The following NXPH2 variants were observed in gnomAD, a reference collection of about 807,000 sequenced individuals.
NXPH2 encodes neurexophilin 2, also known as neurexophilin-2.
Under a neutral mutation model 19.8 loss-of-function variants are expected in NXPH2, and 5 were observed. The ratio of observed to expected loss-of-function variants is 0.25; its 90% CI spans 0.13 to 0.53. NXPH2 has a LOEUF of 0.53. Ranked by LOEUF, NXPH2 falls within the 20% of genes least tolerant of loss-of-function variation. The pLI is 0.96. For missense variants in NXPH2, 289 were observed against 322.8 expected, an observed-to-expected ratio of 0.90 and a Z score of 0.80; for synonymous variants, 154 against 127.4, an observed-to-expected ratio of 1.21 and a Z score of -1.41.
intron 1 of NXPH2, among the ~76,000 whole-genome samples, chr2:138,692,207 T>C (rs956503966): frequency 1.3e-5 from 2 of 152,198 alleles, no homozygotes; most frequent in African/African-American, 2.4e-5. Context: ...CACGATTTCA[T>C]GGTTCCTGTT....
chr2:138,734,495 G>T (rs1005489516), intron 1 of NXPH2, among the ~76,000 whole-genome samples: 5 of 152,160 alleles, frequency 3.3e-5, no homozygotes, highest in South Asian at 2.1e-4. Flanking sequence ...AGGAAGAAAT[G>T]GTCAAGCCAG....
At chr2:138,735,392 T>A (rs1393713843) in intron 1 of NXPH2, among the ~76,000 whole-genome samples, 2 of 152,120 alleles carry the variant, frequency 1.3e-5, no homozygotes, top group African/African-American at 4.8e-5. Context: ...AGTCATATCT[T>A]ACATGGATGG....
chr2:138,696,620 AT>A (rs2104979342), intron 1 of NXPH2, among the ~76,000 whole-genome samples: 2 of 152,296 alleles, frequency 1.3e-5, no homozygotes, highest in East Asian at 3.9e-4. Flanking sequence ...GAAGACATAG[AT>A]TAACTAAAAT....
chr2:138,686,078 T>C (rs572217373), intron 1 of NXPH2, among the ~76,000 whole-genome samples: 1 of 152,348 alleles, frequency 6.6e-6, no homozygotes, highest in Admixed American at 6.5e-5. Context: ...CACAACTTTT[T>C]ATTTCCTTAG....
chr2:138,701,255 G>C (rs1297147688), intron 1 of NXPH2, among the ~76,000 whole-genome samples: 1 of 152,162 alleles, frequency 6.6e-6, no homozygotes, highest in Admixed American at 6.5e-5. Context: ...AATATCTTTA[G>C]CCTGGTGTGG....
intron 1 of NXPH2, among the ~76,000 whole-genome samples, chr2:138,720,310 G>T (rs1681258662): frequency 6.6e-6 from 1 of 152,194 alleles, no homozygotes; most frequent in Non-Finnish European, 1.5e-5. Flanking sequence ...AAACAAGTAT[G>T]CTTGTAAACT....
intron 1 of NXPH2, among the ~76,000 whole-genome samples, chr2:138,676,123 G>C (rs762330365): frequency 1.3e-5 from 2 of 152,026 alleles, no homozygotes; most frequent in Admixed American, 6.6e-5. Context: ...TAAAATACAC[G>C]TACAGTTCTC....
At chr2:138,758,972 C>G (rs1343820428) in intron 1 of NXPH2, among the ~76,000 whole-genome samples, 1 of 152,114 alleles carries the variant, frequency 6.6e-6, no homozygotes, top group African/African-American at 2.4e-5. Flanking sequence ...ATTTTGCAGC[C>G]ACCCACCCCA....
chr2:138,764,059 C>G (rs1384472663), intron 1 of NXPH2, among the ~76,000 whole-genome samples: 2 of 152,156 alleles, frequency 1.3e-5, no homozygotes, highest in South Asian at 2.1e-4. Context: ...GCACCCACAA[C>G]TACAATACCA....
At chr2:138,727,975 T>C (rs938691258) in intron 1 of NXPH2, among the ~76,000 whole-genome samples, 3 of 152,196 alleles carry the variant, frequency 2.0e-5, no homozygotes, top group African/African-American at 7.2e-5. Context: ...GCTCCAGTAT[T>C]TCCTAGGTAT....
chr2:138,710,645 A>G, intron 1 of NXPH2, among the ~76,000 whole-genome samples: 1 of 152,128 alleles, frequency 6.6e-6, no homozygotes, highest in Admixed American at 6.5e-5. Flanking sequence ...CCTCCACCCT[A>G]GACTCTATGA....
intron 1 of NXPH2, among the ~76,000 whole-genome samples, chr2:138,732,844 C>T (rs1255212866): frequency 2.6e-5 from 4 of 152,148 alleles, no homozygotes; most frequent in African/African-American, 4.8e-5. Context: ...CTCACCAGTG[C>T]TGATTAAGCA....
intron 1 of NXPH2, among the ~76,000 whole-genome samples, chr2:138,689,337 G>T (rs1680710211): frequency 6.6e-6 from 1 of 152,224 alleles, no homozygotes; most frequent in South Asian, 2.1e-4. Context: ...CCCCAGAGGA[G>T]GAGAGTGGTT....
intron 1 of NXPH2, among the ~76,000 whole-genome samples, chr2:138,713,792 T>A (rs1024821637): frequency 4.6e-5 from 7 of 152,162 alleles, no homozygotes; most frequent in African/African-American, 1.7e-4. Context: ...AATCACAACG[T>A]ACTCATCAGG....
chr2:138,744,147 G>A (rs1681690289), intron 1 of NXPH2, among the ~76,000 whole-genome samples: 1 of 151,980 alleles, frequency 6.6e-6, no homozygotes, highest in Non-Finnish European at 1.5e-5. Flanking sequence ...GATTTGGCCA[G>A]AAAAAAATTA....
At chr2:138,778,593 A>T (rs1185011155) in intron 1 of NXPH2, among the ~76,000 whole-genome samples, 1 of 152,214 alleles carries the variant, frequency 6.6e-6, no homozygotes, top group Non-Finnish European at 1.5e-5. Flanking sequence ...TATTTATTAA[A>T]TGCAAAATTA....
chr2:138,686,604 A>T (rs1029806338), intron 1 of NXPH2, among the ~76,000 whole-genome samples: 1 of 152,064 alleles, frequency 6.6e-6, no homozygotes, highest in African/African-American at 2.4e-5. Flanking sequence ...CACAACGTGC[A>T]AGTTTGTTAC....
At chr2:138,697,332 A>G (rs2104979758) in intron 1 of NXPH2, among the ~76,000 whole-genome samples, 1 of 152,274 alleles carries the variant, frequency 6.6e-6, no homozygotes, top group Non-Finnish European at 1.5e-5. Context: ...ACTGTATGTA[A>G]ATTATACCTT....
chr2:138,670,489 T>C lies in NXPH2; in HGVS notation c.*433A>G, dbSNP rs1680397336. On this transcript the variant is annotated 3_prime_UTR_variant, in exon 2 of 2. Transcript: ENST00000272641. Reference sequence around the variant, plus strand: ...GGTCCAATGTCAAAAACACAATTCATCTATCAAATACAATCTTTTCCTTTA... The same window carrying C: ...GGTCCAATGTCAAAAACACAATTCACCTATCAAATACAATCTTTTCCTTTA... Among the ~76,000 whole-genome samples, 1 of 152,220 alleles carries C rather than the reference T, an allele frequency of 6.6e-6. No individual in the cohort carries two copies. The highest frequency in any genetic ancestry group is 2.1e-4 in the South Asian group (1 of 4,828).
Sources: allele counts gnomAD v4.1 joint callset (sites outside exome capture counted in the v4.1 genomes callset), GRCh38; gene constraint gnomAD v4.1.1; transcripts MANE v1.5; gene names NCBI Gene and HGNC (gene_info 2026-07-23, HGNC 2026-07-21).